The following PTPRD variants were observed in gnomAD, a reference collection of about 807,000 sequenced individuals.
The protein encoded by PTPRD is receptor-type tyrosine-protein phosphatase delta.
A neutral mutation model predicts 214.5 loss-of-function variants in PTPRD; 34 were observed. The ratio of observed to expected loss-of-function variants is 0.16; its 90% CI spans 0.12 to 0.21. The LOEUF is 0.21. Ranked by LOEUF, PTPRD falls within the 10% of genes least tolerant of loss-of-function variation. The pLI is 1.00. For synonymous variants in PTPRD, 1,128 were observed against 845.7 expected (o/e 1.33, Z -5.79); for missense variants, 2,545 against 2,398.7 (o/e 1.06, Z -1.27).
chr9:9,292,278 C>A (rs1051361763), intron 9 of PTPRD, among the ~76,000 whole-genome samples: 1 of 151,050 alleles, frequency 6.6e-6, no homozygotes, highest in Non-Finnish European at 1.5e-5. Context: ...TATCTCTATT[C>A]TGTGATAGAA....
At chr9:10,026,732 A>G (rs2154125663) in intron 4 of PTPRD, among the ~76,000 whole-genome samples, 1 of 152,286 alleles carries the variant, frequency 6.6e-6, no homozygotes, top group South Asian at 2.1e-4. Flanking sequence ...AATATTATGT[A>G]TCATGACTTT....
chr9:8,900,872 T>C (rs1336724527), intron 11 of PTPRD, among the ~76,000 whole-genome samples: 3 of 152,228 alleles, frequency 2.0e-5, no homozygotes, highest in African/African-American at 7.2e-5. Context: ...TGATATAATA[T>C]TTTTGGCTTT....
At chr9:10,206,425 C>G (rs1343378078) in intron 3 of PTPRD, among the ~76,000 whole-genome samples, 1 of 152,142 alleles carries the variant, frequency 6.6e-6, no homozygotes, top group African/African-American at 2.4e-5. Context: ...TGATAAAACC[C>G]CACTACTGAC....
At chr9:9,303,837 A>T (rs945373578) in intron 9 of PTPRD, among the ~76,000 whole-genome samples, 3 of 152,108 alleles carry the variant, frequency 2.0e-5, no homozygotes, top group African/African-American at 7.2e-5. Flanking sequence ...TGGCAACCAC[A>T]TTGCCCTTGT....
intron 14 of PTPRD, among the ~76,000 whole-genome samples, chr9:8,561,979 A>G (rs1216209229): frequency 6.6e-6 from 1 of 152,170 alleles, no homozygotes; most frequent in East Asian, 1.9e-4. Context: ...ACTAGAGTTT[A>G]AAAAGATGTT....
At chr9:10,411,814 T>C (rs1227635247) in intron 2 of PTPRD, among the ~76,000 whole-genome samples, 1 of 151,732 alleles carries the variant, frequency 6.6e-6, no homozygotes, top group East Asian at 2.0e-4. Context: ...GTTTAATGAT[T>C]ATGATCAAGT....
At chr9:8,854,788 C>T (rs1242361724) in intron 11 of PTPRD, among the ~76,000 whole-genome samples, 2 of 152,180 alleles carry the variant, frequency 1.3e-5, no homozygotes, top group African/African-American at 4.8e-5. Context: ...TTAATCACAT[C>T]ATCAATCTAT....
chr9:8,775,235 C>CT (rs949497694), intron 11 of PTPRD, among the ~76,000 whole-genome samples: 1 of 152,028 alleles, frequency 6.6e-6, no homozygotes, highest in African/African-American at 2.4e-5. Context: ...TCAGGGGGGT[C>CT]TTTTTTTCTG....
At chr9:9,844,061 G>C (rs939612943) in intron 5 of PTPRD, among the ~76,000 whole-genome samples, 1 of 151,574 alleles carries the variant, frequency 6.6e-6, no homozygotes, top group African/African-American at 2.4e-5. Context: ...ATGTTCTTTG[G>C]GTACTTTAAT....
At chr9:9,856,336 T>C (rs189213229) in intron 5 of PTPRD, among the ~76,000 whole-genome samples, 2 of 152,228 alleles carry the variant, frequency 1.3e-5, no homozygotes, top group African/African-American at 4.8e-5. Flanking sequence ...GGAAACGGGA[T>C]AGAAGTTCTC....
intron 5 of PTPRD, among the ~76,000 whole-genome samples, chr9:9,781,811 T>C (rs1191660260): frequency 6.6e-6 from 1 of 151,732 alleles, no homozygotes; most frequent in East Asian, 1.9e-4. Context: ...TTTTTTTTTT[T>C]AGACGGAGTC....
intron 14 of PTPRD, among the ~76,000 whole-genome samples, chr9:8,541,013 C>A (rs2078266188): frequency 2.6e-5 from 4 of 151,976 alleles, no homozygotes; most frequent in Admixed American, 2.6e-4. Flanking sequence ...ATGAAAAGAT[C>A]AAAATCTTAA....
chr9:10,609,558 T>C (rs1339621951), intron 2 of PTPRD, among the ~76,000 whole-genome samples: 1 of 152,126 alleles, frequency 6.6e-6, no homozygotes, highest in Non-Finnish European at 1.5e-5. Flanking sequence ...CTAGCAATAT[T>C]TTAGCTTTTC....
At chr9:9,020,016 G>C (rs1014329718) in intron 10 of PTPRD, among the ~76,000 whole-genome samples, 1 of 152,070 alleles carries the variant, frequency 6.6e-6, no homozygotes, top group African/African-American at 2.4e-5. Context: ...GTTACATAAA[G>C]CTGATCAGTG....
intron 10 of PTPRD, among the ~76,000 whole-genome samples, chr9:9,089,926 G>A (rs1476615709): frequency 6.6e-6 from 1 of 152,056 alleles, no homozygotes; most frequent in Non-Finnish European, 1.5e-5. Flanking sequence ...ATCTTTTCCA[G>A]TTTTTATTTT....
intron 3 of PTPRD, among the ~76,000 whole-genome samples, chr9:10,272,598 C>A (rs2094481120): frequency 6.6e-6 from 1 of 152,116 alleles, no homozygotes; most frequent in African/African-American, 2.4e-5. Flanking sequence ...TGTTAAGAGA[C>A]AGCACTATGT....
intron 11 of PTPRD, among the ~76,000 whole-genome samples, chr9:9,006,498 T>C (rs997830609): frequency 3.9e-5 from 6 of 152,084 alleles, no homozygotes; most frequent in Non-Finnish European, 8.8e-5. Context: ...CCCAGAGTTT[T>C]ATCTCTGTAA....
chr9:10,180,599 A>G (rs1012006274), intron 3 of PTPRD, among the ~76,000 whole-genome samples: 2 of 144,732 alleles, frequency 1.4e-5, no homozygotes, highest in African/African-American at 5.1e-5. Context: ...AAACCAGATA[A>G]AGTACAAAAA....
intron 8 of PTPRD, among the ~76,000 whole-genome samples, chr9:9,517,733 A>G (rs1475053917): frequency 1.3e-5 from 2 of 152,076 alleles, no homozygotes; most frequent in African/African-American, 4.8e-5. Flanking sequence ...TATTATGTAA[A>G]AATTTCCAGA....
Sources: allele counts gnomAD v4.1 joint callset (sites outside exome capture counted in the v4.1 genomes callset), GRCh38; gene constraint gnomAD v4.1.1; transcripts MANE v1.5; gene names NCBI Gene and HGNC (gene_info 2026-07-23, HGNC 2026-07-21).